KCNMB1: variants seen among roughly 807,000 people sequenced by gnomAD.
KCNMB1 encodes potassium calcium-activated channel subfamily M regulatory beta subunit 1.
Under a neutral mutation model 21.7 loss-of-function variants are expected in KCNMB1, and 22 were observed. The ratio of observed to expected loss-of-function variants is 1.01; its 90% confidence interval spans 0.72 to 1.45. KCNMB1 has a LOEUF of 1.45. Among genes scored for constraint, KCNMB1 ranks in the 40% most tolerant of loss-of-function variants. The pLI is 0.00. For synonymous variants in KCNMB1, 114 were observed against 107.6 expected (o/e 1.06, Z -0.37); for missense variants, 243 against 243.4 (o/e 1.00, Z 0.01).
chr5:170,383,967 CA>C, intron 2 of KCNMB1, 117 bp from the exon 3 acceptor site: 1 of 990,112 alleles, frequency 1.0e-6, no homozygotes, highest in Non-Finnish European at 1.5e-6. Context: ...CTGGGATCCT[CA>C]TCTTGTCTTC....
At chr5:170,379,027 A>C (rs1164132931) in intron 3 of KCNMB1, 54 bp from the exon 4 acceptor site, 3 of 1,585,864 alleles carry the variant, frequency 1.9e-6, no homozygotes, top group Non-Finnish European at 2.6e-6. Flanking sequence ...TTTCTTAGCC[A>C]AGGGCTTGAT....
At chr5:170,383,153 G>A (rs1430366637) in intron 3 of KCNMB1, 1 of 183,974 alleles carries the variant, frequency 5.4e-6, no homozygotes, top group Non-Finnish European at 1.1e-5. Flanking sequence ...ATGTTGGGAT[G>A]CAAGGATGGA....
chr5:170,388,247 G>A (rs957770962), intron 1 of KCNMB1, among the ~76,000 whole-genome samples: 5 of 152,204 alleles, frequency 3.3e-5, no homozygotes, highest in Admixed American at 6.5e-5. Context: ...TGCCTGCACT[G>A]AGTGAGTTTA....
intron 1 of KCNMB1, among the ~76,000 whole-genome samples, chr5:170,388,871 A>G (rs1764593183): frequency 1.3e-5 from 2 of 152,220 alleles, no homozygotes; most frequent in Non-Finnish European, 1.5e-5. Flanking sequence ...CCCCCAGTAA[A>G]TATTAGCTAT....
chr5:170,389,025 G>GA (rs1316170386), intron 1 of KCNMB1, among the ~76,000 whole-genome samples: 1 of 152,196 alleles, frequency 6.6e-6, no homozygotes, highest in East Asian at 1.9e-4. Context: ...GCCACTCTGA[G>GA]AACTGGGACC....
intron 3 of KCNMB1, among the ~76,000 whole-genome samples, chr5:170,380,288 C>T (rs1014546015): frequency 5.9e-5 from 9 of 152,196 alleles, no homozygotes; most frequent in East Asian, 1.9e-4. Flanking sequence ...ACCTACAGGG[C>T]CCCCATAGCC....
In KCNMB1 at chr5:170,376,831, C is replaced by T. The variant is rs1002771182; in HGVS notation, c.*1873G>A. On this transcript the variant is annotated 3_prime_UTR_variant, in exon 4 of 4. Transcript: ENST00000274629. ...ACAAACTCCCTTGACACAAGTGTAC[C>T]TATGTAACAAACCTGAACGTGTACC... is the stretch of plus-strand genomic sequence containing the variant. 6.6e-6 allele frequency: 1 copy of T among 151,962 alleles called. No individual in the cohort carries two copies. The highest frequency in any genetic ancestry group is 1.5e-5 in the Non-Finnish European group (1 of 67,992). 9.4% of individuals were successfully genotyped at this position (151,962 alleles called of 1,614,324 possible).
intron 1 of KCNMB1, among the ~76,000 whole-genome samples, chr5:170,385,755 C>G (rs546030517): frequency 6.6e-6 from 1 of 152,166 alleles, no homozygotes; most frequent in East Asian, 1.9e-4. Context: ...CCCAAGATGT[C>G]TATGTTCTAG....
rs1410985809 is a variant in KCNMB1 at position 170,375,872 on chromosome 5, G to T, written c.*2832C>A. The T allele has an allele frequency of 6.6e-6, 1 of 152,204 alleles. No individual in the cohort carries two copies. The highest frequency in any genetic ancestry group is 1.5e-5 in the Non-Finnish European group (1 of 68,016). 9.4% of individuals were successfully genotyped at this position (152,204 alleles called of 1,614,324 possible). ...TTATCAGTTTCGTTTTGCAAACGAG[G>T]AAACAGGCACAGAAAGGTTATTCGT... On this transcript the variant is annotated 3_prime_UTR_variant, in exon 4 of 4. Coordinates refer to ENST00000274629, the MANE Select transcript of KCNMB1 (RefSeq NM_004137.4).
chr5:170,384,893 C>T (rs1764402925), intron 2 of KCNMB1, among the ~76,000 whole-genome samples: 1 of 152,190 alleles, frequency 6.6e-6, no homozygotes. Flanking sequence ...CTCCCCGTCT[C>T]TTGAGGTATT....
At chr5:170,386,265 A>G (rs1764468884) in intron 1 of KCNMB1, among the ~76,000 whole-genome samples, 1 of 152,238 alleles carries the variant, frequency 6.6e-6, no homozygotes, top group Non-Finnish European at 1.5e-5. Context: ...GAGAAAGCTA[A>G]GGTGATATGA....
At chr5:170,385,225 A>G in intron 2 of KCNMB1, 89 bp downstream of exon 2, 1 of 1,406,600 alleles carries the variant, frequency 7.1e-7, no homozygotes, top group Non-Finnish European at 1.0e-6. Context: ...AGGGTCAAGG[A>G]GAGGGGTGAG....
chr5:170,388,662 GT>G (rs1764585276), intron 1 of KCNMB1, among the ~76,000 whole-genome samples: 1 of 152,204 alleles, frequency 6.6e-6, no homozygotes, highest in South Asian at 2.1e-4. Context: ...AGAGTACATT[GT>G]TGAACAGTTT....
At chr5:170,385,059 C>A (rs1438090703) in intron 2 of KCNMB1, among the ~76,000 whole-genome samples, 3 of 152,168 alleles carry the variant, frequency 2.0e-5, no homozygotes, top group Non-Finnish European at 2.9e-5. Flanking sequence ...CTGAGAAGGG[C>A]ATCATGTGTC....
At position 170,378,800 on chromosome 5, in the gene KCNMB1, G is replaced by A; in HGVS notation, c.480C>T (p.Ser160=). Residue 160 remains serine (S), a synonymous_variant, in exon 4 of 4, where the codon TCC becomes TCT. Transcript: ENST00000274629. The part of the protein sequence containing the change: ...RLYGPQALLF[S]LFWPTFLLTG... Reference sequence around the variant, plus strand: ...TCAGCAGGAAGGTGGGCCAGAAGAGGGAGAAGAGGAGGGCCTGGGGCCCGT... The same window carrying A: ...TCAGCAGGAAGGTGGGCCAGAAGAGAGAGAAGAGGAGGGCCTGGGGCCCGT... 6 of 1,614,214 alleles carry A rather than the reference G, an allele frequency of 3.7e-6. No individual in the cohort carries two copies. Among genetic ancestry groups the A allele is most frequent in the Non-Finnish European group, 5.1e-6 (6 of 1,180,006 alleles).
At chr5:170,383,503 C>G in intron 3 of KCNMB1, 176 bp downstream of exon 3, 1 of 712,860 alleles carries the variant, frequency 1.4e-6, no homozygotes, top group Non-Finnish European at 2.4e-6. Context: ...CAGATTCAAA[C>G]CCAGGTCTGT....
chr5:170,379,711 A>G (rs1351230250), intron 3 of KCNMB1, among the ~76,000 whole-genome samples: 2 of 152,184 alleles, frequency 1.3e-5, no homozygotes, highest in African/African-American at 4.8e-5. Context: ...CACTTTGGGA[A>G]GCCGAAGGGG....
intron 3 of KCNMB1, among the ~76,000 whole-genome samples, chr5:170,381,636 G>A (rs1451114755): frequency 6.6e-6 from 1 of 152,208 alleles, no homozygotes; most frequent in Non-Finnish European, 1.5e-5. Flanking sequence ...GGTCAAGCCT[G>A]GGCGGCAGGG....
chr5:170,383,282 G>A (rs1764324847), intron 3 of KCNMB1: 4 of 407,246 alleles, frequency 9.8e-6, no homozygotes, highest in Non-Finnish European at 1.8e-5. Context: ...TCATTTGACT[G>A]AGGTTGTAGA....
Sources: gnomAD v4.1 joint callset for allele counts (sites outside exome capture counted in the v4.1 genomes callset) on GRCh38, gnomAD v4.1.1 for gene constraint, MANE v1.5 for transcripts, NCBI Gene and HGNC (gene_info 2026-07-23, HGNC 2026-07-21) for gene names.